The following NRXN1 variants were observed in gnomAD, a reference collection of about 807,000 sequenced individuals.
NRXN1 encodes the protein neurexin-1.
In NRXN1, 39 loss-of-function variants were observed where a neutral mutation model predicts 150.9. That is an observed-to-expected ratio of 0.26 (90% CI 0.20 to 0.34). The LOEUF (loss-of-function observed/expected upper bound fraction) is 0.34, where lower values mean the gene tolerates loss of function less well. Among genes scored for constraint, NRXN1 ranks in the 10% least tolerant of loss-of-function variants. The pLI, the probability that NRXN1 is intolerant of heterozygous loss-of-function variation, is 1.00. For missense variants in NRXN1, 1,815 were observed against 1,949.9 expected, an observed-to-expected ratio of 0.93 and a Z score of 1.30; for synonymous variants, 924 against 757.0, an observed-to-expected ratio of 1.22 and a Z score of -3.62.
At chr2:50,150,240 A>G (rs184751239) in intron 18 of NRXN1, among the ~76,000 whole-genome samples, 146 of 151,858 alleles carry the variant, frequency 9.6e-4, no homozygotes, top group African/African-American at 3.5e-3. Context: ...AAGCACAACA[A>G]TGGATGGATT....
In NRXN1 at chr2:50,671,323, C is replaced by T. The variant is rs1688812927; in HGVS notation, c.833-47708G>A. 2.0e-5 allele frequency among the ~76,000 whole-genome samples: 3 copies of T among 151,526 alleles called. No homozygotes were observed. In the South Asian group the frequency reaches 6.2e-4, roughly 31 times the overall value. On this transcript the variant is annotated intron_variant, in intron 5 of 22. Transcript: ENST00000401669. ...TTAAAAAATTATTTTAGTGTTTAAT[C>T]TGTTTGGCTATTTTCACAGAAAATA... is the stretch of plus-strand genomic sequence containing the variant.
intron 18 of NRXN1, among the ~76,000 whole-genome samples, chr2:50,209,047 A>G (rs2062822935): frequency 6.6e-6 from 1 of 152,134 alleles, no homozygotes; most frequent in Non-Finnish European, 1.5e-5. Flanking sequence ...CTTAAGTCAA[A>G]AAAGTATGAG....
intron 9 of NRXN1, among the ~76,000 whole-genome samples, chr2:50,546,944 G>T (rs895954495): frequency 2.0e-5 from 3 of 152,188 alleles, no homozygotes; most frequent in Non-Finnish European, 4.4e-5. Context: ...CAGAGAAATT[G>T]TCTAATGGTT....
Position 49,921,749 on chromosome 2 carries a change from G to T in NRXN1, c.*195C>A. 5 of 610,362 alleles carry T rather than the reference G, an allele frequency of 8.2e-6. No homozygotes were observed. The highest frequency in any genetic ancestry group is 3.7e-5 in the African/African-American group (2 of 53,840). The allele number at this position is 610,362 out of a possible 1,614,324, so 37.8% of individuals were successfully genotyped here. ...GGGAATTTATTGGCCCCTGTTTTTT[G>T]TTTTTTGTTTTTCTTTTTTGAGAAA... is the stretch of plus-strand genomic sequence containing the variant. On this transcript the variant is annotated 3_prime_UTR_variant, in exon 23 of 23. Coordinates refer to ENST00000401669, the MANE Select transcript of NRXN1 (RefSeq NM_001330078.2).
At chr2:51,030,066 T>A (rs1671238393) in intron 1 of NRXN1, among the ~76,000 whole-genome samples, 1 of 152,110 alleles carries the variant, frequency 6.6e-6, no homozygotes, top group Admixed American at 6.5e-5. Flanking sequence ...TATTCAACTC[T>A]AATCTGACAG....
intron 2 of NRXN1, among the ~76,000 whole-genome samples, chr2:51,008,351 T>G (rs1012034606): frequency 6.6e-6 from 1 of 151,904 alleles, no homozygotes; most frequent in Admixed American, 6.6e-5. Context: ...TGAGTGGCGA[T>G]GGTGAAGGCA....
At chr2:50,834,171 G>C (rs991982350) in intron 5 of NRXN1, among the ~76,000 whole-genome samples, 1 of 152,094 alleles carries the variant, frequency 6.6e-6, no homozygotes, top group African/African-American at 2.4e-5. Context: ...CTGAGAAGTA[G>C]TCAAAAGACT....
intron 21 of NRXN1, among the ~76,000 whole-genome samples, chr2:49,972,438 G>T (rs558044329): frequency 7.2e-5 from 11 of 152,300 alleles, no homozygotes; most frequent in African/African-American, 2.6e-4. Context: ...AGATTAGTTT[G>T]CATGGCTCTA....
intron 18 of NRXN1, among the ~76,000 whole-genome samples, chr2:50,122,541 C>T (rs913784926): frequency 6.6e-6 from 1 of 152,186 alleles, no homozygotes; most frequent in Non-Finnish European, 1.5e-5. Flanking sequence ...CTTTGTTTGG[C>T]GGTTGTGAAG....
chr2:50,976,429 T>G (rs1244515461), intron 2 of NRXN1, among the ~76,000 whole-genome samples: 3 of 151,940 alleles, frequency 2.0e-5, no homozygotes, highest in Non-Finnish European at 4.4e-5. Flanking sequence ...TCATGCACAG[T>G]TTTTCTTCAC....
intron 17 of NRXN1, among the ~76,000 whole-genome samples, chr2:50,243,248 C>A (rs2152888542): frequency 6.6e-6 from 1 of 151,536 alleles, no homozygotes; most frequent in Non-Finnish European, 1.5e-5. Flanking sequence ...TTTTACACAA[C>A]ATATATATGT....
In NRXN1 at chr2:49,922,144, C is replaced by T. The variant is rs760815320; in HGVS notation, c.4324G>A (p.Ala1442Thr). The T allele has an allele frequency of 4.3e-6, 7 of 1,614,106 alleles. No individual in the cohort carries two copies. The highest frequency in any genetic ancestry group is 4.5e-5 in the East Asian group (2 of 44,854). Residue 1442 changes from alanine (A) to threonine (T), a missense_variant, in exon 23 of 23, where the codon GCC becomes ACC. Around this residue, in one of 6 missense-constraint regions of NRXN1, gnomAD observed 265 missense variants for 307.1 expected, o/e 0.86. Transcript: ENST00000401669. ...GMVVGIVAAA[A>T]LCILILLYAM... The stretch of plus-strand genomic sequence containing the variant: ...TAGAGGAGGATAAGGATGCACAGGG[C>T]GGCAGCGGCTACTATCCCAACGACC...
chr2:50,389,122 T>G (rs938076904), intron 17 of NRXN1, among the ~76,000 whole-genome samples: 2 of 151,806 alleles, frequency 1.3e-5, no homozygotes, highest in Admixed American at 1.3e-4. Context: ...GAGCTGAGAC[T>G]GTACCACTGT....
intron 5 of NRXN1, among the ~76,000 whole-genome samples, chr2:50,651,502 G>GACATGACATA (rs1414459133): frequency 4.8e-5 from 7 of 146,870 alleles, no homozygotes; most frequent in African/African-American, 1.3e-4. Context: ...GACATGACAT[G>GACATGACATA]ACATGACATA....
At chr2:50,057,902 T>A (rs1180768050) in intron 19 of NRXN1, among the ~76,000 whole-genome samples, 3 of 152,158 alleles carry the variant, frequency 2.0e-5, no homozygotes, top group Non-Finnish European at 4.4e-5. Context: ...AATCAGTTCA[T>A]TATTTGTTTA....
In NRXN1 at chr2:50,978,295, TATATATATATAA is replaced by T. The variant is rs1258394219; in HGVS notation, c.772+49195_772+49206del. Among the ~76,000 whole-genome samples the T allele has an allele frequency of 1.0e-4, 13 of 126,462 alleles. No individual in the cohort carries two copies. In the Admixed American group the frequency reaches 1.1e-3, roughly 11 times the overall value. 83.0% of individuals were successfully genotyped at this position (126,462 alleles called of 152,430 possible). ...ACATATATATATATATATATATATATATATATATATAAAATATATATATTATAGATAGATTTG... is the reference window on the plus strand; with the variant it reads ...ACATATATATATATATATATATATATAATATATATATTATAGATAGATTTG... On this transcript the variant is annotated intron_variant, in intron 2 of 22. Coordinates refer to ENST00000401669, the MANE Select transcript of NRXN1 (RefSeq NM_001330078.2).
At chr2:49,990,619 G>C (rs1228414046) in intron 21 of NRXN1, among the ~76,000 whole-genome samples, 9 of 152,138 alleles carry the variant, frequency 5.9e-5, no homozygotes, top group Non-Finnish European at 1.3e-4. Flanking sequence ...TCTGAAGTCA[G>C]TGTTCATAAG....
intron 17 of NRXN1, among the ~76,000 whole-genome samples, chr2:50,428,209 T>G (rs1337602945): frequency 1.3e-5 from 2 of 151,466 alleles, no homozygotes; most frequent in Non-Finnish European, 2.9e-5. Flanking sequence ...AGTCCAGGAG[T>G]TCAAGACCAC....
intron 18 of NRXN1, among the ~76,000 whole-genome samples, chr2:50,168,549 T>A (rs888962174): frequency 6.6e-6 from 1 of 152,180 alleles, no homozygotes; most frequent in Non-Finnish European, 1.5e-5. Context: ...CAGAACTTAG[T>A]TTTTTTCATC....
Sources: allele counts gnomAD v4.1 joint callset (sites outside exome capture counted in the v4.1 genomes callset), GRCh38; gene constraint gnomAD v4.1.1; regional missense constraint gnomAD v4.1.1; transcripts MANE v1.5; gene names NCBI Gene and HGNC (gene_info 2026-07-23, HGNC 2026-07-21).